Variants in C2orf92 observed in about 807,000 individuals in gnomAD.
C2orf92 encodes uncharacterized protein C2orf92.
chr2:97,671,229 G>A (rs1675401175), intron 1 of C2orf92: 1 of 360,934 alleles, frequency 2.8e-6, no homozygotes, highest in East Asian at 4.1e-5. Flanking sequence ...GGCTGGTCAT[G>A]AACTCCTGAC....
chr2:97,676,434 AAAAAAAAAAAAAAAG>A (rs1156355315), intron 3 of C2orf92, among the ~76,000 whole-genome samples: 8 of 98,678 alleles, frequency 8.1e-5, no homozygotes, highest in Admixed American at 9.6e-5. Context: ...ACTCCATCTC[AAAAAAAAAAAAAAAG>A]AAAAAAAAAA....
intron 4 of C2orf92, 140 bp downstream of exon 4, chr2:97,689,133 A>C (rs886514708): frequency 2.5e-6 from 1 of 395,426 alleles, no homozygotes; most frequent in Non-Finnish European, 4.5e-6. Context: ...TGAAGGAAAC[A>C]ACTGTCTGAA....
intron 1 of C2orf92, chr2:97,671,095 G>A: frequency 6.4e-6 from 1 of 155,106 alleles, no homozygotes. Flanking sequence ...GGGATTACAG[G>A]CGTGTGCCAC....
At chr2:97,669,143 T>A (rs1467294278), upstream of C2orf92, 2 of 152,186 alleles carry the variant, frequency 1.3e-5, no homozygotes, top group Middle Eastern at 3.2e-3. Context: ...AGATTTTTCC[T>A]TTGAAAACAG....
At chr2:97,691,188 C>T (rs1345441921) in intron 5 of C2orf92, 1 of 152,288 alleles carries the variant, frequency 6.6e-6, no homozygotes, top group Non-Finnish European at 1.5e-5. Flanking sequence ...CCAAATCCCA[C>T]CCTGTGCGAG....
chr2:97,698,994 G>T (rs1015876894), intron 5 of C2orf92, 32 bp from the exon 6 acceptor site: 1 of 398,216 alleles, frequency 2.5e-6, no homozygotes, highest in East Asian at 3.6e-5. Flanking sequence ...TGCCATGGTT[G>T]TTTGTAGATG....
At chr2:97,683,548 A>G (rs544298947) in intron 3 of C2orf92, among the ~76,000 whole-genome samples, 1 of 151,878 alleles carries the variant, frequency 6.6e-6, no homozygotes, top group Admixed American at 6.6e-5. Flanking sequence ...TAAAAAAAAA[A>G]AAAAAAGATG....
intron 3 of C2orf92, among the ~76,000 whole-genome samples, chr2:97,680,956 A>G (rs2104559766): frequency 6.6e-6 from 1 of 151,288 alleles, no homozygotes; most frequent in African/African-American, 2.4e-5. Context: ...AAACCCCAAA[A>G]ATTAGCTGGG....
At chr2:97,664,121 A>G (rs1388852409), upstream of C2orf92, 4 of 258,940 alleles carry the variant, frequency 1.5e-5, no homozygotes, top group Non-Finnish European at 2.9e-5. Flanking sequence ...GGCTGCGCGA[A>G]GGGGGCGGGG....
At position 97,701,295 on chromosome 2, in the gene C2orf92, A is replaced by C; in HGVS notation, c.656A>C (p.Lys219Thr). ...GGGTTGGCCTCATACATCAGGAAGA[A>C]ACAGCCATCGTGCGTGGTGCTGGCA... ...LLGLASYIRK[K>T]QPSSPLANTT... The change falls in exon 7 of 8, where the codon AAA becomes ACA. Residue 219 changes from lysine (K) to threonine (T), a missense_variant. Transcript: ENST00000627399. 1 of 399,052 alleles carries C rather than the reference A, an allele frequency of 2.5e-6. No individual in the cohort carries two copies. 24.7% of individuals were successfully genotyped at this position (399,052 alleles called of 1,614,324 possible). A position where few individuals can be genotyped will look rare whatever the true frequency, so the allele number is the denominator to read the frequency against.
At chr2:97,664,119 GA>G (rs941819177), upstream of C2orf92, 20 of 263,566 alleles carry the variant, frequency 7.6e-5, no homozygotes, top group South Asian at 2.0e-3. Context: ...CTGGCTGCGC[GA>G]AGGGGGCGGG....
In C2orf92 at chr2:97,694,248, C is replaced by CT. The variant is rs1175002909; in HGVS notation, c.403+3935dup. ...CAAAATGTCCTTTCTTTCTTTCTTT[C>CT]TTTTTTTTTTTTTTGAGACAGAGCC... On this transcript the variant is annotated intron_variant, in intron 5 of 7. Coordinates refer to ENST00000627399, the MANE Select transcript of C2orf92 (RefSeq NM_001351368.2). Among the ~76,000 whole-genome samples, 979 of 142,470 alleles carry CT rather than the reference C, an allele frequency of 6.9e-3. 10 individuals carry two copies. The highest frequency in any genetic ancestry group is 0.015 in the African/African-American group (590 of 39,020). The allele number at this position is 142,470 out of a possible 152,430, so 93.5% of individuals were successfully genotyped here.
chr2:97,675,183 G>A (rs1402649976), intron 2 of C2orf92, among the ~76,000 whole-genome samples: 1 of 152,216 alleles, frequency 6.6e-6, no homozygotes, highest in Non-Finnish European at 1.5e-5. Context: ...TGGACATCAT[G>A]TGAATTAGGA....
At chr2:97,675,673 T>G (rs983023764) in intron 2 of C2orf92, 172 bp from the exon 3 acceptor site, 4 of 396,190 alleles carry the variant, frequency 1.0e-5, no homozygotes, top group African/African-American at 6.2e-5. Context: ...GTGTTGGAAC[T>G]TCAGATGCTT....
At chr2:97,699,798 C>T (rs1676434970) in intron 6 of C2orf92, among the ~76,000 whole-genome samples, 1 of 152,210 alleles carries the variant, frequency 6.6e-6, no homozygotes, top group Admixed American at 6.5e-5. Flanking sequence ...ACTGCCACTC[C>T]CTGTCAAAAT....
upstream of C2orf92, chr2:97,667,860 A>G (rs1420931519): frequency 6.6e-6 from 1 of 151,898 alleles, no homozygotes; most frequent in Non-Finnish European, 1.5e-5. Context: ...AATAAACATC[A>G]TTGTTTTTTT....
intron 3 of C2orf92, among the ~76,000 whole-genome samples, chr2:97,685,772 G>T (rs1013238535): frequency 6.6e-6 from 1 of 151,796 alleles, no homozygotes; most frequent in Non-Finnish European, 1.5e-5. Context: ...CATGTGGGCC[G>T]GGCTGGTCAC....
At chr2:97,686,293 C>G (rs992988059) in intron 3 of C2orf92, among the ~76,000 whole-genome samples, 1 of 152,208 alleles carries the variant, frequency 6.6e-6, no homozygotes, top group Non-Finnish European at 1.5e-5. Context: ...TTCCATGACC[C>G]AAACACCTCC....
At chr2:97,667,665 C>G (rs1675279120), upstream of C2orf92, among the ~76,000 whole-genome samples, 1 of 152,094 alleles carries the variant, frequency 6.6e-6, no homozygotes. Context: ...ATCTCCTGAC[C>G]TTGTGATCTG....
Sources: gnomAD v4.1 joint callset for allele counts (sites outside exome capture counted in the v4.1 genomes callset) on GRCh38, gnomAD v4.1.1 for gene constraint, MANE v1.5 for transcripts, NCBI Gene and HGNC (gene_info 2026-07-23, HGNC 2026-07-21) for gene names.